CA5A: variants seen among roughly 807,000 people sequenced by gnomAD.
CA5A encodes the protein carbonic anhydrase 5A, also known as carbonic anhydrase 5A, mitochondrial.
A neutral mutation model predicts 37.1 loss-of-function variants in CA5A; 28 were observed. The ratio of observed to expected loss-of-function variants is 0.75; its 90% CI spans 0.56 to 1.03. CA5A has a LOEUF of 1.03. Ranked by LOEUF, CA5A falls within the 50% of genes least tolerant of loss-of-function variation. CA5A has a pLI of 0.00. For synonymous variants in CA5A, 171 were observed against 158.4 expected (o/e 1.08, Z -0.60); for missense variants, 444 against 399.9 (o/e 1.11, Z -0.94).
At chr16:87,909,862 G>T (rs2056024920) in intron 2 of CA5A, among the ~76,000 whole-genome samples, 1 of 152,206 alleles carries the variant, frequency 6.6e-6, no homozygotes, top group African/African-American at 2.4e-5. Flanking sequence ...ACAGCATGGG[G>T]TCAGGAGTGG....
Position 87,904,796 on chromosome 16 carries a change from T to A in CA5A, c.449A>T (p.Tyr150Phe). 2 of 1,604,486 alleles carry A rather than the reference T, an allele frequency of 1.2e-6. No individual in the cohort carries two copies. Among genetic ancestry groups the A allele is most frequent in the Non-Finnish European group, 1.7e-6 (2 of 1,171,334 alleles). The stretch of plus-strand genomic sequence containing the variant: ...GCCACGTCTACAAACCTCTGCGGGG[T>A]ACGCGTGGCCGTCCACTGTGTGCTC... ...GSEHTVDGHA[Y>F]PAELHLVHWN... Residue 150 changes from tyrosine to phenylalanine, a missense_variant, in exon 3 of 7, where the codon TAC (tyrosine) becomes TTC (phenylalanine). Coordinates refer to ENST00000649794, the MANE Select transcript of CA5A (RefSeq NM_001739.2).
chr16:87,918,649 C>G (rs1015652088), intron 2 of CA5A, among the ~76,000 whole-genome samples: 8 of 152,246 alleles, frequency 5.3e-5, no homozygotes, highest in African/African-American at 1.9e-4. Flanking sequence ...GTGTGCAGTT[C>G]TCTGCACCTT....
chr16:87,891,664 G>C (rs1261548270), intron 6 of CA5A, 135 bp downstream of exon 6: 2 of 801,156 alleles, frequency 2.5e-6, no homozygotes, highest in African/African-American at 1.8e-5. Context: ...TTTTCTTCTT[G>C]TGTAAGAATG....
At position 87,888,290 on chromosome 16, in the gene CA5A, C is replaced by A. The variant is rs1567512756; in HGVS notation, c.775-18G>T. The A allele has an allele frequency of 6.2e-7, 1 of 1,606,034 alleles. No individual in the cohort carries two copies. Among genetic ancestry groups the A allele is most frequent in the East Asian group, 2.2e-5 (1 of 44,738 alleles). ...GCAGAGAGCTGGAATAGAGGGCAGC[C>A]AGGGTGAGCTTGGTATGAGTGCAGG... On this transcript the variant is annotated intron_variant, in intron 6 of 6. Transcript: ENST00000649794.
At chr16:87,929,158 A>T (rs993355752) in intron 1 of CA5A, among the ~76,000 whole-genome samples, 2 of 148,182 alleles carry the variant, frequency 1.3e-5, no homozygotes, top group Admixed American at 6.7e-5. Context: ...AAGGATAAAG[A>T]TGTATAGCCC....
Position 87,913,524 on chromosome 16 carries a change from C to T in CA5A, c.341-8620G>A, listed in dbSNP as rs190485773. Reference sequence around the variant, plus strand: ...CAGCTCACTGTGGTGGGCTGTTTTGCGTGTGCTAGAGTCTATTCAGCATTT... The same window carrying T: ...CAGCTCACTGTGGTGGGCTGTTTTGTGTGTGCTAGAGTCTATTCAGCATTT... On this transcript the variant is annotated intron_variant, in intron 2 of 6. Transcript: ENST00000649794. Among the ~76,000 whole-genome samples the T allele has an allele frequency of 1.2e-3, 182 of 152,212 alleles. 2 individuals are homozygous for T. The highest frequency in any genetic ancestry group is 4.2e-3 in the African/African-American group (175 of 41,528).
At position 87,888,136 on chromosome 16, in the gene CA5A, C is replaced by T. The variant is rs368142668; in HGVS notation, c.911G>A (p.Arg304Lys). The T allele has an allele frequency of 2.5e-6, 4 of 1,612,790 alleles. No homozygotes were observed. Among genetic ancestry groups the T allele is most frequent in the African/African-American group, 1.3e-5 (1 of 74,896 alleles). The stretch of plus-strand genomic sequence containing the variant: ...CATGTGGACCTAATGTCTCTAGGAC[C>T]TTGTGCCCTCATTAGTGGCCTGGAA... ...ASFQATNEGT[R>K]S The change falls in exon 7 of 7, where the codon AGG becomes AAG. Residue 304 changes from arginine (R) to lysine (K), a missense_variant. Transcript: ENST00000649794.
chr16:87,915,930 A>G (rs2056134314), intron 2 of CA5A, among the ~76,000 whole-genome samples: 1 of 151,978 alleles, frequency 6.6e-6, no homozygotes, highest in African/African-American at 2.4e-5. Flanking sequence ...ATTTACAAAG[A>G]AAAAGAGGTT....
chr16:87,892,431 G>C (rs1446218011), intron 5 of CA5A, among the ~76,000 whole-genome samples: 1 of 149,820 alleles, frequency 6.7e-6, no homozygotes, highest in African/African-American at 2.4e-5. Context: ...AATCGCTTGA[G>C]CCCAGGAGGC....
chr16:87,927,345 G>A (rs1489276771), intron 1 of CA5A, among the ~76,000 whole-genome samples: 1 of 152,138 alleles, frequency 6.6e-6, no homozygotes, highest in Non-Finnish European at 1.5e-5. Context: ...TGTCTCTCGG[G>A]AAGGGCTTGA....
intron 5 of CA5A, among the ~76,000 whole-genome samples, chr16:87,894,685 C>T (rs779210682): frequency 6.6e-6 from 1 of 151,996 alleles, no homozygotes; most frequent in Non-Finnish European, 1.5e-5. Flanking sequence ...TCAAGACCAG[C>T]CTGACCAACA....
In CA5A at chr16:87,929,837, A is replaced by C. The variant is rs995938836; in HGVS notation, c.143-2892T>G. ...CAGTGAGCCGAGATCGCGCCACCGC[A>C]CTCCAGCCTGGGCAATACAGCGAGA... is the stretch of plus-strand genomic sequence containing the variant. On this transcript the variant is annotated intron_variant, in intron 1 of 6. Coordinates refer to ENST00000649794, the MANE Select transcript of CA5A (RefSeq NM_001739.2). Among the ~76,000 whole-genome samples the C allele has an allele frequency of 4.0e-5, 5 of 125,276 alleles. No individual in the cohort carries two copies. The Admixed American group carries it at 5.4e-4, about 14-fold the overall frequency. 82.2% of individuals were successfully genotyped at this position (125,276 alleles called of 152,430 possible). A position where few individuals can be genotyped will look rare whatever the true frequency, so the allele number is the denominator to read the frequency against.
rs990325883 is a variant in CA5A, at chr16:87,901,944, G to A, written c.586C>T (p.Leu196=). 6 of 1,613,626 alleles carry A rather than the reference G, an allele frequency of 3.7e-6. No individual in the cohort carries two copies. The highest frequency in any genetic ancestry group is 5.1e-6 in the Non-Finnish European group (6 of 1,179,802). ...TTTATTTCCGGCAAGATGTCCACCA[G>A]CCTCTGCAGCGTCTGATGATGGGCC... ...LGAHHQTLQR[L]VDILPEIKHK... is the part of the protein sequence containing the mutation. Residue 196 remains leucine (L), a synonymous_variant, in exon 5 of 7, where the codon CTG becomes TTG. Coordinates refer to ENST00000649794, the MANE Select transcript of CA5A (RefSeq NM_001739.2).
Position 87,911,338 on chromosome 16 carries a change from C to T in CA5A, c.341-6434G>A, listed in dbSNP as rs558787515. Among the ~76,000 whole-genome samples the T allele has an allele frequency of 5.6e-4, 85 of 152,220 alleles. No individual in the cohort carries two copies. Among genetic ancestry groups the T allele is most frequent in the Non-Finnish European group, 8.5e-4 (58 of 68,010 alleles). The stretch of plus-strand genomic sequence containing the variant: ...CATAATAACAGATGACGTTTGGGGC[C>T]GGCTCCAGGCTGTGACGTGCTGGCC... On this transcript the variant is annotated intron_variant, in intron 2 of 6. Transcript: ENST00000649794. The surrounding 1 kb of genome is among the most constrained non-coding windows in gnomAD (Gnocchi z 4.6).
At chr16:87,914,243 G>A (rs181209725) in intron 2 of CA5A, among the ~76,000 whole-genome samples, 4 of 152,332 alleles carry the variant, frequency 2.6e-5, no homozygotes, top group Admixed American at 6.5e-5. Flanking sequence ...AGGAAGTCAC[G>A]GGTGACCATG....
In CA5A at chr16:87,912,232, G is replaced by A. The variant is rs551773962; in HGVS notation, c.341-7328C>T. Reference sequence around the variant, plus strand: ...TGAGAGAATCGCTTGAACCCGGGAGGTGCATGTTGCAGTGAGCCGAGGTCG... The same window carrying A: ...TGAGAGAATCGCTTGAACCCGGGAGATGCATGTTGCAGTGAGCCGAGGTCG... On this transcript the variant is annotated intron_variant, in intron 2 of 6. Coordinates refer to ENST00000649794, the MANE Select transcript of CA5A (RefSeq NM_001739.2). 9.2e-5 allele frequency among the ~76,000 whole-genome samples: 14 copies of A among 152,230 alleles called. No individual in the cohort carries two copies. In the East Asian group the frequency reaches 1.7e-3, roughly 19 times the overall value.
chr16:87,915,527 T>G (rs1338755519), intron 2 of CA5A, among the ~76,000 whole-genome samples: 1 of 11,296 alleles, frequency 8.9e-5, no homozygotes, highest in African/African-American at 2.9e-4. Context: ...TGTGTCAAAA[T>G]TTTTTTTTTT....
intron 2 of CA5A, among the ~76,000 whole-genome samples, chr16:87,909,982 G>A (rs1421251677): frequency 6.6e-6 from 1 of 152,148 alleles, no homozygotes; most frequent in African/African-American, 2.4e-5. Context: ...TTTGTAAAGT[G>A]CGGATGATCC....
chr16:87,920,591 T>G (rs2056216900), intron 2 of CA5A, among the ~76,000 whole-genome samples: 2 of 152,082 alleles, frequency 1.3e-5, no homozygotes. Flanking sequence ...ATTACAGGCG[T>G]GAGCTACTGC....
Sources: gnomAD v4.1 joint callset for allele counts (sites outside exome capture counted in the v4.1 genomes callset) on GRCh38, gnomAD v4.1.1 for gene constraint, Gnocchi (gnomAD v3.1) non-coding constraint, MANE v1.5 for transcripts, NCBI Gene and HGNC (gene_info 2026-07-23, HGNC 2026-07-21) for gene names.